ACAD10: variants seen among roughly 807,000 people sequenced by gnomAD.
ACAD10 encodes ACAD-10.
ACAD10 carries 112 observed loss-of-function variants against 116.8 expected under a neutral mutation model. That is an observed-to-expected ratio of 0.96 (90% CI 0.82 to 1.12). ACAD10 has a LOEUF of 1.12. Among genes scored for constraint, ACAD10 ranks in the 50% most tolerant of loss-of-function variants. ACAD10 has a pLI of 0.00. For missense variants in ACAD10, 1,259 were observed against 1,350.2 expected (o/e 0.93, Z 1.06); for synonymous variants, 486 against 510.6 (o/e 0.95, Z 0.65).
intron 8 of ACAD10, among the ~76,000 whole-genome samples, chr12:111,727,087 G>A (rs192796910): frequency 6.6e-6 from 1 of 152,140 alleles, no homozygotes; most frequent in Non-Finnish European, 1.5e-5. Context: ...TTAGTCAGGC[G>A]TGGTGGCATG....
intron 5 of ACAD10, among the ~76,000 whole-genome samples, chr12:111,710,932 G>A (rs1422288812): frequency 6.6e-6 from 1 of 152,122 alleles, no homozygotes; most frequent in Non-Finnish European, 1.5e-5. Context: ...GTTGACCAGT[G>A]CTTCTCTCTG....
intron 4 of ACAD10, among the ~76,000 whole-genome samples, chr12:111,706,814 C>T (rs1404065216): frequency 7.0e-6 from 1 of 142,490 alleles, no homozygotes; most frequent in East Asian, 2.2e-4. Context: ...CACTCTGTTG[C>T]CCAGGCTAAA....
At chr12:111,747,409 C>G in intron 16 of ACAD10, 24 bp downstream of exon 16, 1 of 1,612,852 alleles carries the variant, frequency 6.2e-7, no homozygotes, top group Non-Finnish European at 8.5e-7. Context: ...AATGCACTTT[C>G]CAAATGCACA....
chr12:111,747,426 A>T, intron 16 of ACAD10, 41 bp downstream of exon 16: 1 of 1,607,852 alleles, frequency 6.2e-7, no homozygotes, highest in South Asian at 1.1e-5. Flanking sequence ...CACATCAGGG[A>T]GTCTGTGCTG....
At chr12:111,701,431 C>T (rs201975396) in intron 2 of ACAD10, among the ~76,000 whole-genome samples, 1 of 83,614 alleles carries the variant, frequency 1.2e-5, no homozygotes, top group Non-Finnish European at 2.2e-5. Context: ...AGGCCCGAGG[C>T]AGGCAGGCAG....
intron 13 of ACAD10, among the ~76,000 whole-genome samples, chr12:111,745,857 T>A (rs1889876227): frequency 6.7e-6 from 1 of 149,546 alleles, no homozygotes; most frequent in African/African-American, 2.5e-5. Flanking sequence ...TTTTTTTTTT[T>A]TTGAGACAGG....
Position 111,705,878 on chromosome 12 carries a change from T to A in ACAD10, c.477T>A (p.Phe159Leu), listed in dbSNP as rs1459093827. ...GLQTAVLSNNFYLPNQKSFLP... is the reference protein window; with the variant it reads ...GLQTAVLSNNLYLPNQKSFLP... Reference sequence around the variant, plus strand: ...AGACTGCAGTCTTGAGCAATAATTTTTATCTTCCCAACCAGAAAAGCTTTT... The same window carrying A: ...AGACTGCAGTCTTGAGCAATAATTTATATCTTCCCAACCAGAAAAGCTTTT... The change falls in exon 4 of 21, where the codon TTT becomes TTA. Residue 159 changes from phenylalanine to leucine, a missense_variant. Coordinates refer to ENST00000313698, the MANE Select transcript of ACAD10 (RefSeq NM_025247.6). The A allele has an allele frequency of 6.2e-7, 1 of 1,614,028 alleles. No individual in the cohort carries two copies. Among genetic ancestry groups the A allele is most frequent in the African/African-American group, 1.3e-5 (1 of 74,910 alleles).
chr12:111,692,954 G>T, intron 2 of ACAD10, 58 bp downstream of exon 2: 1 of 1,577,698 alleles, frequency 6.3e-7, no homozygotes, highest in Non-Finnish European at 8.6e-7. Context: ...GAGAATGGAG[G>T]GTGATCGGGA....
chr12:111,715,997 T>A (rs1413987044), intron 7 of ACAD10, 35 bp downstream of exon 7: 9 of 1,613,054 alleles, frequency 5.6e-6, no homozygotes, highest in Non-Finnish European at 7.6e-6. Context: ...ACTTGCCCAC[T>A]AGCCTCCACT....
At chr12:111,686,630 C>T (rs1368956981) in intron 1 of ACAD10, among the ~76,000 whole-genome samples, 2 of 152,160 alleles carry the variant, frequency 1.3e-5, no homozygotes, top group African/African-American at 4.8e-5. Flanking sequence ...ACAGGAGAAT[C>T]GCTTGAACCC....
intron 8 of ACAD10, among the ~76,000 whole-genome samples, chr12:111,726,101 G>A (rs146525054): frequency 0.016 from 2,375 of 151,844 alleles, 72 homozygotes; most frequent in African/African-American, 0.054. Context: ...TGAAAATACA[G>A]AAATTAGCTG....
rs1173325917 is a variant in ACAD10 at position 111,729,947 on chromosome 12, G to C, written c.1385G>C (p.Gly462Ala). Residue 462 changes from glycine (G) to alanine (A), a missense_variant, in exon 10 of 21, where the codon GGG becomes GCG. By Grantham distance (60) the Gly-to-Ala change is moderately conservative (BLOSUM62 0). Coordinates refer to ENST00000313698, the MANE Select transcript of ACAD10 (RefSeq NM_025247.6). ...PRQQRTTVVH[G>A]DFRLDNLVFH... is the part of the protein sequence containing the mutation. ...CAGCAGAGGACCACAGTGGTGCACG[G>C]GGACTTCAGGTAGATGTGGTGGCAG... 1.2e-6 allele frequency: 2 copies of C among 1,613,702 alleles called. No individual in the cohort carries two copies. Among genetic ancestry groups the C allele is most frequent in the Non-Finnish European group, 1.7e-6 (2 of 1,179,864 alleles).
chr12:111,697,136 G>T (rs1304514744), intron 2 of ACAD10, among the ~76,000 whole-genome samples: 1 of 151,742 alleles, frequency 6.6e-6, no homozygotes, highest in African/African-American at 2.4e-5. Context: ...AGATACTCGG[G>T]AGACTGAGGC....
intron 12 of ACAD10, among the ~76,000 whole-genome samples, chr12:111,742,289 A>C (rs995470885): frequency 6.6e-6 from 1 of 152,226 alleles, no homozygotes; most frequent in Admixed American, 6.5e-5. Context: ...TATGAATAAT[A>C]AGGAACATAA....
At position 111,747,374 on chromosome 12, in the gene ACAD10, G is replaced by C; in HGVS notation, c.2474G>C (p.Trp825Ser). 1 of 1,614,184 alleles carries C rather than the reference G, an allele frequency of 6.2e-7. No homozygotes were observed. ...TTCTATGTCATAAACGGTCACAAAT[G>C]GTGGATCACAGGTATTTGGCCTAAA... The part of the protein sequence containing the change: ...DSFYVINGHK[W>S]WITGILDPRC... The change falls in exon 16 of 21, where the codon TGG (tryptophan) becomes TCG (serine). Residue 825 changes from tryptophan (W) to serine (S), a missense_variant. By Grantham distance (177) the Trp-to-Ser change is radical. Coordinates refer to ENST00000313698, the MANE Select transcript of ACAD10 (RefSeq NM_025247.6).
At chr12:111,725,830 G>A (rs965708131) in intron 8 of ACAD10, among the ~76,000 whole-genome samples, 1 of 151,736 alleles carries the variant, frequency 6.6e-6, no homozygotes, top group Admixed American at 6.6e-5. Flanking sequence ...CACTGCACCC[G>A]GCCGACATTG....
At chr12:111,720,241 G>A (rs1464477490) in intron 7 of ACAD10, among the ~76,000 whole-genome samples, 1 of 152,152 alleles carries the variant, frequency 6.6e-6, no homozygotes, top group Non-Finnish European at 1.5e-5. Flanking sequence ...AACATATTGT[G>A]TTTACTTGAA....
At chr12:111,706,147 G>A (rs973748099) in intron 4 of ACAD10, among the ~76,000 whole-genome samples, 1 of 152,132 alleles carries the variant, frequency 6.6e-6, no homozygotes, top group Non-Finnish European at 1.5e-5. Context: ...TTTGATTACT[G>A]GTTGACACTT....
chr12:111,748,470 C>T lies in ACAD10; in HGVS notation c.2639C>T (p.Ala880Val), dbSNP rs34245489. The change falls in exon 17 of 21, where the codon GCA becomes GTA. Residue 880 changes from alanine to valine, a missense_variant. Transcript: ENST00000313698. ...CTGACGGTGTATGGACTGGAAGATG[C>T]ACCAGGTGAGACCTCCAGGGGCGGG... ...RPLTVYGLED[A>V]PGGHGEVRFE... The T allele has an allele frequency of 0.039, 62,426 of 1,613,188 alleles. 1,397 individuals carry two copies. Among genetic ancestry groups the T allele is most frequent in the Non-Finnish European group, 0.045 (53,630 of 1,179,998 alleles).
Sources: allele counts gnomAD v4.1 joint callset (sites outside exome capture counted in the v4.1 genomes callset), GRCh38; gene constraint gnomAD v4.1.1; transcripts MANE v1.5; gene names NCBI Gene and HGNC (gene_info 2026-07-23, HGNC 2026-07-21).